Variants in ILK observed in about 807,000 individuals in gnomAD.
ILK encodes scaffold protein ILK.
In ILK, 37 loss-of-function variants were observed where a neutral mutation model predicts 57.8. The observed-to-expected ratio is 0.64, with a 90% CI of 0.49 to 0.84. The LOEUF (loss-of-function observed/expected upper bound fraction) is 0.84. Ranked by LOEUF, ILK falls within the 40% of genes least tolerant of loss-of-function variation. The probability of loss-of-function intolerance (pLI) is 0.00; values close to 1 mark genes in which losing one functional copy is unlikely to be tolerated. For synonymous variants in ILK, 231 were observed against 202.2 expected (o/e 1.14, Z -1.21); for missense variants, 528 against 595.7 (o/e 0.89, Z 1.18).
intron 12 of ILK, 74 bp from the exon 13 acceptor site, chr11:6,610,388 G>T (rs1052734183): frequency 9.3e-6 from 15 of 1,613,196 alleles, no homozygotes; most frequent in Non-Finnish European, 1.0e-5. Flanking sequence ...CAGTAATCCT[G>T]TCCCAAGGGC....
rs1855425040 is a variant in ILK, at chr11:6,610,795, T to C, written c.*184T>C. ...CCCCAAGAGGGGCGGGCTCAGAGCTTTGTCACTTGCCACATGGTGTCTCCC... is the reference window on the plus strand; with the variant it reads ...CCCCAAGAGGGGCGGGCTCAGAGCTCTGTCACTTGCCACATGGTGTCTCCC... On this transcript the variant is annotated 3_prime_UTR_variant, in exon 13 of 13. Transcript: ENST00000299421. 4 of 1,356,342 alleles carry C rather than the reference T, an allele frequency of 2.9e-6. No individual in the cohort carries two copies. The highest frequency in any genetic ancestry group is 1.4e-5 in the African/African-American group (1 of 69,988). 84.0% of individuals were successfully genotyped at this position (1,356,342 alleles called of 1,614,324 possible). A position where few individuals can be genotyped will look rare whatever the true frequency, so the allele number is the denominator to read the frequency against.
Position 6,610,734 on chromosome 11 carries a change from G to A in ILK, c.*123G>A. 1 of 1,385,590 alleles carries A rather than the reference G, an allele frequency of 7.2e-7. No homozygotes were observed. Among genetic ancestry groups the A allele is most frequent in the South Asian group, 1.2e-5 (1 of 83,808 alleles). 85.8% of individuals were successfully genotyped at this position (1,385,590 alleles called of 1,614,324 possible). Reference sequence around the variant, plus strand: ...CCAGTCATGGTACTACCCCAGCCATGGGGTCCATCCCCTTCCCCCATCCCT... The same window carrying A: ...CCAGTCATGGTACTACCCCAGCCATAGGGTCCATCCCCTTCCCCCATCCCT... On this transcript the variant is annotated 3_prime_UTR_variant, in exon 13 of 13. Coordinates refer to ENST00000299421, the MANE Select transcript of ILK (RefSeq NM_004517.4).
chr11:6,604,757 G>A, intron 2 of ILK: 1 of 476,438 alleles, frequency 2.1e-6, no homozygotes. Context: ...GGATCAGCCA[G>A]ATCATGCAAG....
At chr11:6,605,553 T>C (rs1273960177) in intron 2 of ILK, among the ~76,000 whole-genome samples, 1 of 151,950 alleles carries the variant, frequency 6.6e-6, no homozygotes, top group Non-Finnish European at 1.5e-5. Flanking sequence ...TGCAGGTTTG[T>C]TGGATGGGTA....
Position 6,610,288 on chromosome 11 carries a change from C to CAACAGCATACATTTGTGTTGCGGG in ILK, c.1209+12_1209+35dup. 1 of 1,614,110 alleles carries CAACAGCATACATTTGTGTTGCGGG rather than the reference C, an allele frequency of 6.2e-7. No homozygotes were observed. Among genetic ancestry groups the CAACAGCATACATTTGTGTTGCGGG allele is most frequent in the Non-Finnish European group, 8.5e-7 (1 of 1,180,040 alleles). ...GGAGATTGGAATGAAGGTGAGAGCACAACAGCATACATTTGTGTTGCGGGA... is the reference window on the plus strand; with the variant it reads ...GGAGATTGGAATGAAGGTGAGAGCACAACAGCATACATTTGTGTTGCGGGAACAGCATACATTTGTGTTGCGGGA... On this transcript the variant is annotated intron_variant, in intron 12 of 12. Coordinates refer to ENST00000299421, the MANE Select transcript of ILK (RefSeq NM_004517.4).
intron 2 of ILK, 85 bp from the exon 3 acceptor site, chr11:6,607,961 G>T (rs1001645031): frequency 6.2e-5 from 86 of 1,385,360 alleles, no homozygotes; most frequent in Non-Finnish European, 7.6e-5. Flanking sequence ...CCTTCCCAGA[G>T]AGTATGTAAT....
At chr11:6,606,159 C>G (rs923190937) in intron 2 of ILK, 2 of 152,196 alleles carry the variant, frequency 1.3e-5, no homozygotes, top group African/African-American at 4.8e-5. Flanking sequence ...GGCCACAGAG[C>G]AAGACTCTGT....
At chr11:6,605,759 G>A (rs11605114) in intron 2 of ILK, among the ~76,000 whole-genome samples, 27,871 of 152,044 alleles carry the variant, frequency 0.18, 3,237 homozygotes, top group Non-Finnish European at 0.25. Context: ...AGAATAATGG[G>A]TGAAGAAATC....
In ILK at chr11:6,609,988, T is replaced by A. The variant is rs1273794131; in HGVS notation, c.1031T>A (p.Phe344Tyr). 6.2e-7 allele frequency: 1 copy of A among 1,614,220 alleles called. No individual in the cohort carries two copies. The highest frequency in any genetic ancestry group is 8.5e-7 in the Non-Finnish European group (1 of 1,180,042). ...AGCATGGCTGATGTCAAGTTCTCTT[T>A]CCAATGTCCTGGTCGCATGTATGCA... ...RISMADVKFS[F>Y]QCPGRMYAPA... Residue 344 changes from phenylalanine (F) to tyrosine (Y), a missense_variant, in exon 11 of 13, where the codon TTC becomes TAC. Transcript: ENST00000299421.
At chr11:6,604,602 C>T (rs1854644978) in intron 2 of ILK, 2 of 603,714 alleles carry the variant, frequency 3.3e-6, no homozygotes, top group Admixed American at 2.6e-5. Context: ...GACTGCATGG[C>T]CAAAGGCTAG....
At chr11:6,609,689 C>G (rs755803042) in intron 9 of ILK, 35 bp from the exon 10 acceptor site, 7 of 1,614,028 alleles carry the variant, frequency 4.3e-6, no homozygotes, top group African/African-American at 2.7e-5. Flanking sequence ...AGAGAGGGAG[C>G]CTCTCTGAAC....
intron 2 of ILK, chr11:6,607,463 A>G (rs1855040581): frequency 6.2e-6 from 1 of 160,592 alleles, no homozygotes; most frequent in Non-Finnish European, 1.4e-5. Context: ...CCCTTCCAAA[A>G]CATCATTTAA....
intron 2 of ILK, 131 bp downstream of exon 2, chr11:6,604,491 G>A (rs189442710): frequency 7.5e-6 from 6 of 799,642 alleles, no homozygotes; most frequent in Non-Finnish European, 1.3e-5. Context: ...TAGCCTGTGG[G>A]GGGCAGAGGG....
intron 7 of ILK, 44 bp from the exon 8 acceptor site, chr11:6,609,255 T>C (rs985068701): frequency 5.0e-6 from 8 of 1,603,480 alleles, no homozygotes; most frequent in Admixed American, 3.3e-5. Context: ...GGCAAGGAAG[T>C]GGCAGCAACA....
At chr11:6,604,640 G>A in intron 2 of ILK, 1 of 556,756 alleles carries the variant, frequency 1.8e-6, no homozygotes, top group Non-Finnish European at 3.2e-6. Context: ...AGAGAGAACA[G>A]GAAATTGTCT....
intron 1 of ILK, 132 bp from the exon 2 acceptor site, chr11:6,604,041 ACCCTGAC>A: frequency 1.7e-6 from 1 of 603,832 alleles, no homozygotes; most frequent in Non-Finnish European, 3.0e-6. Context: ...CCCCCTGCCC[ACCCTGAC>A]CCGCCTTTAC....
chr11:6,609,056 T>C lies in ILK; in HGVS notation c.533-15T>C. On this transcript the variant is annotated splice_polypyrimidine_tract_variant and intron_variant, in intron 6 of 12. Transcript: ENST00000299421. Reference sequence around the variant, plus strand: ...TTAGGGTGAAGCTGGGTACCTGACCTGCCCACACTCTTAGGAAATGGAACC... The same window carrying C: ...TTAGGGTGAAGCTGGGTACCTGACCCGCCCACACTCTTAGGAAATGGAACC... 1 of 1,613,034 alleles carries C rather than the reference T, an allele frequency of 6.2e-7. No homozygotes were observed. The highest frequency in any genetic ancestry group is 8.5e-7 in the Non-Finnish European group (1 of 1,178,952).
In ILK at chr11:6,605,403, G is replaced by A. The variant is rs571799371; in HGVS notation, c.89+1043G>A. ...AGAAATAGGAAAATGTGTGAGTAAAGCTTACAGAAGAGAATGTTTTAATGA... is the reference window on the plus strand; with the variant it reads ...AGAAATAGGAAAATGTGTGAGTAAAACTTACAGAAGAGAATGTTTTAATGA... On this transcript the variant is annotated intron_variant, in intron 2 of 12. Transcript: ENST00000299421. 5.7e-3 allele frequency among the ~76,000 whole-genome samples: 866 copies of A among 152,096 alleles called. 6 individuals carry two copies. Among genetic ancestry groups the A allele is most frequent in the African/African-American group, 0.02 (822 of 41,500 alleles).
At position 6,604,003 on chromosome 11, in the gene ILK, C is replaced by A. The variant is rs908858965; in HGVS notation, c.-92-177C>A. The A allele has an allele frequency of 5.2e-6, 3 of 574,528 alleles. No individual in the cohort carries two copies. The East Asian group carries it at 8.8e-5, about 17-fold the overall frequency. The allele number at this position is 574,528 out of a possible 1,614,324, so 35.6% of individuals were successfully genotyped here. On this transcript the variant is annotated intron_variant, in intron 1 of 12. Transcript: ENST00000299421. ...GGTCTAGTTGCCTGCTCTCGGACAT[C>A]CGTTCAGCAGACACTACCTCTTCGT...
Sources: gnomAD v4.1 joint callset for allele counts (sites outside exome capture counted in the v4.1 genomes callset) on GRCh38, gnomAD v4.1.1 for gene constraint, MANE v1.5 for transcripts, NCBI Gene and HGNC (gene_info 2026-07-23, HGNC 2026-07-21) for gene names.